CRPPA: variants seen among roughly 807,000 people sequenced by gnomAD.
The protein encoded by CRPPA is D-ribitol-5-phosphate cytidylyltransferase.
In CRPPA, 43 loss-of-function variants were observed where a neutral mutation model predicts 52.0. The ratio of observed to expected loss-of-function variants is 0.83; its 90% confidence interval spans 0.65 to 1.07. The LOEUF is 1.07. CRPPA is among the 50% of genes least tolerant of loss of function. CRPPA has a pLI of 0.00. For missense variants in CRPPA, 629 were observed against 551.7 expected (o/e 1.14, Z -1.40); for synonymous variants, 250 against 203.5 (o/e 1.23, Z -1.94).
chr7:16,162,061 T>G lies in CRPPA; in HGVS notation c.1251+54005A>C, dbSNP rs951033086. Among the ~76,000 whole-genome samples, 8 of 152,296 alleles carry G rather than the reference T, an allele frequency of 5.3e-5. No homozygotes were observed. In the South Asian group the frequency reaches 8.3e-4, roughly 16 times the overall value. On this transcript the variant is annotated intron_variant, in intron 9 of 9. Transcript: ENST00000407010. ...CCTTTATCATTTTTTATTGTGTCTA[T>G]TTGATTCTTCTCTTTTCTTCTTTAT... is the stretch of plus-strand genomic sequence containing the variant.
chr7:16,158,910 A>G (rs1466739174), intron 9 of CRPPA, among the ~76,000 whole-genome samples: 2 of 152,154 alleles, frequency 1.3e-5, no homozygotes, highest in South Asian at 2.1e-4. Context: ...CCAAGCAAGA[A>G]TTATGTGACT....
intron 9 of CRPPA, among the ~76,000 whole-genome samples, chr7:16,127,021 T>C (rs1451383593): frequency 2.0e-5 from 3 of 152,184 alleles, no homozygotes; most frequent in Admixed American, 6.5e-5. Flanking sequence ...GTTGTAATAA[T>C]ATGCAGACAA....
intron 9 of CRPPA, among the ~76,000 whole-genome samples, chr7:16,202,545 T>C (rs1318232627): frequency 6.6e-6 from 1 of 152,198 alleles, no homozygotes; most frequent in Non-Finnish European, 1.5e-5. Flanking sequence ...CCTGTCTTGT[T>C]TGGCCTCCTA....
chr7:16,308,386 A>C, intron 4 of CRPPA, 137 bp downstream of exon 4: 3 of 611,574 alleles, frequency 4.9e-6, no homozygotes, highest in Non-Finnish European at 3.0e-6. Flanking sequence ...AATAGAAGGG[A>C]TACTACACAT....
chr7:16,316,724 G>T (rs1401430317), intron 3 of CRPPA, among the ~76,000 whole-genome samples: 1 of 151,998 alleles, frequency 6.6e-6, no homozygotes, highest in African/African-American at 2.4e-5. Context: ...ATGTGTTGGG[G>T]TGCGTTCCTG....
chr7:16,299,055 G>C (rs981883957), intron 5 of CRPPA, among the ~76,000 whole-genome samples: 2 of 152,112 alleles, frequency 1.3e-5, no homozygotes, highest in African/African-American at 4.8e-5. Flanking sequence ...ATAAATCTAT[G>C]TATGCATCTT....
In CRPPA at chr7:16,393,703, G is replaced by A. The variant is rs146760383; in HGVS notation, c.534+12358C>T. ...GGCAAAAACAAAAACCATAAACGAA[G>A]ACATTAGTGATTTTAAGTATATTAA... On this transcript the variant is annotated intron_variant, in intron 2 of 9. Transcript: ENST00000407010. Among the ~76,000 whole-genome samples, 1,079 of 151,958 alleles carry A rather than the reference G, an allele frequency of 7.1e-3. 12 individuals carry two copies. Among genetic ancestry groups the A allele is most frequent in the Non-Finnish European group, 0.011 (715 of 67,924 alleles).
At chr7:16,156,807 TG>T (rs1327402740) in intron 9 of CRPPA, among the ~76,000 whole-genome samples, 1 of 152,132 alleles carries the variant, frequency 6.6e-6, no homozygotes, top group Non-Finnish European at 1.5e-5. Context: ...CTGTGGATGT[TG>T]TTGTGGAAAA....
intron 3 of CRPPA, among the ~76,000 whole-genome samples, chr7:16,330,980 G>A (rs188258653): frequency 1.2e-3 from 175 of 152,130 alleles, no homozygotes; most frequent in African/African-American, 4.0e-3. Flanking sequence ...GAAAAATTAA[G>A]AAACATGTTT....
At chr7:16,367,752 G>T (rs1786641464) in intron 3 of CRPPA, among the ~76,000 whole-genome samples, 1 of 152,072 alleles carries the variant, frequency 6.6e-6, no homozygotes. Context: ...ATTATATTCA[G>T]CTACCCACAG....
chr7:16,338,614 A>G (rs1417660978), intron 3 of CRPPA, among the ~76,000 whole-genome samples: 2 of 152,202 alleles, frequency 1.3e-5, no homozygotes, highest in African/African-American at 2.4e-5. Context: ...TCAAGATGAT[A>G]AAGGAGAATT....
At chr7:16,282,583 T>C (rs1053957478) in intron 5 of CRPPA, among the ~76,000 whole-genome samples, 6 of 152,084 alleles carry the variant, frequency 3.9e-5, no homozygotes, top group Admixed American at 3.9e-4. Flanking sequence ...GGAAGCTATT[T>C]GTGTTATTCC....
At chr7:16,167,145 C>G (rs1256125971) in intron 9 of CRPPA, among the ~76,000 whole-genome samples, 1 of 152,098 alleles carries the variant, frequency 6.6e-6, no homozygotes, top group Non-Finnish European at 1.5e-5. Flanking sequence ...CCAGGATGGT[C>G]TCGATCTCCT....
At chr7:16,305,827 AGCCAAGATTGT>A (rs1245341013) in intron 4 of CRPPA, among the ~76,000 whole-genome samples, 14 of 152,310 alleles carry the variant, frequency 9.2e-5, no homozygotes, top group African/African-American at 3.4e-4. Context: ...GGTTGCAGTG[AGCCAAGATTGT>A]GCCACTGCAC....
chr7:16,222,063 T>G (rs974402717), intron 8 of CRPPA, among the ~76,000 whole-genome samples: 1 of 149,604 alleles, frequency 6.7e-6, no homozygotes, highest in African/African-American at 2.4e-5. Flanking sequence ...CCAACAATGA[T>G]AGACTGGATT....
chr7:16,186,455 T>A (rs1781506592), intron 9 of CRPPA, among the ~76,000 whole-genome samples: 1 of 152,290 alleles, frequency 6.6e-6, no homozygotes, highest in South Asian at 2.1e-4. Flanking sequence ...GCACCCTATC[T>A]TAGACATCCA....
chr7:16,355,987 C>A (rs1034002129), intron 3 of CRPPA, among the ~76,000 whole-genome samples: 3 of 151,962 alleles, frequency 2.0e-5, no homozygotes, highest in African/African-American at 7.3e-5. Context: ...AGTGACAATA[C>A]CTTTTTACTA....
intron 9 of CRPPA, among the ~76,000 whole-genome samples, chr7:16,175,839 T>C (rs1781285277): frequency 6.6e-6 from 1 of 152,180 alleles, no homozygotes. Flanking sequence ...GGCCCAAAGA[T>C]TTTGGCATTT....
At chr7:16,130,211 G>A (rs578117461) in intron 9 of CRPPA, among the ~76,000 whole-genome samples, 1 of 152,228 alleles carries the variant, frequency 6.6e-6, no homozygotes, top group South Asian at 2.1e-4. Context: ...TTTAAAGCAA[G>A]ACTTCATAAT....
Sources: gnomAD v4.1 joint callset for allele counts (sites outside exome capture counted in the v4.1 genomes callset) on GRCh38, gnomAD v4.1.1 for gene constraint, MANE v1.5 for transcripts, NCBI Gene and HGNC (gene_info 2026-07-23, HGNC 2026-07-21) for gene names.